The following CTNNA3 variants were observed in gnomAD, a reference collection of about 807,000 sequenced individuals.
CTNNA3 encodes the protein catenin alpha 3, also known as catenin alpha-3.
Under a neutral mutation model 95.7 loss-of-function variants are expected in CTNNA3, and 76 were observed. The observed-to-expected ratio is 0.79, with a 90% CI of 0.66 to 0.96. The LOEUF is 0.96. Among genes scored for constraint, CTNNA3 ranks in the 40% least tolerant of loss-of-function variants. The pLI, the probability that CTNNA3 is intolerant of heterozygous loss-of-function variation, is 0.00. For synonymous variants in CTNNA3, 431 were observed against 374.4 expected (o/e 1.15, Z -1.74); for missense variants, 1,191 against 1,089.8 (o/e 1.09, Z -1.31).
chr10:67,299,993 G>T (rs1444636068), intron 5 of CTNNA3, among the ~76,000 whole-genome samples: 1 of 152,134 alleles, frequency 6.6e-6, no homozygotes, highest in Non-Finnish European at 1.5e-5. Flanking sequence ...TTAGATTAAT[G>T]GTTCTCGAAG....
chr10:66,760,674 A>G (rs754245818), intron 9 of CTNNA3, among the ~76,000 whole-genome samples: 3 of 152,152 alleles, frequency 2.0e-5, no homozygotes, highest in Non-Finnish European at 2.9e-5. Context: ...CTTATATTCC[A>G]AAGACCGTAA....
chr10:67,387,163 G>C (rs766150417), intron 5 of CTNNA3, among the ~76,000 whole-genome samples: 86 of 152,270 alleles, frequency 5.6e-4, no homozygotes, highest in Non-Finnish European at 8.5e-4. Context: ...CATCTCACTA[G>C]GGAGTGCCAG....
intron 11 of CTNNA3, among the ~76,000 whole-genome samples, chr10:66,498,679 C>T (rs1419415277): frequency 6.6e-6 from 1 of 152,120 alleles, no homozygotes; most frequent in Non-Finnish European, 1.5e-5. Context: ...GGGAAATGAG[C>T]TTCATCTTTT....
At chr10:66,159,644 G>GGTTAT in intron 13 of CTNNA3, among the ~76,000 whole-genome samples, 1 of 63,908 alleles carries the variant, frequency 1.6e-5, no homozygotes, top group South Asian at 5.3e-4. Flanking sequence ...TTTTTTTTTT[G>GGTTAT]GTTATGTTCT....
At chr10:66,065,951 C>T (rs1356065028) in intron 15 of CTNNA3, among the ~76,000 whole-genome samples, 1 of 152,106 alleles carries the variant, frequency 6.6e-6, no homozygotes, top group Non-Finnish European at 1.5e-5. Context: ...ACAATCTCCG[C>T]ATCCTGGGTT....
At chr10:67,716,242 T>C (rs1285969962) in intron 1 of CTNNA3, among the ~76,000 whole-genome samples, 1 of 152,182 alleles carries the variant, frequency 6.6e-6, no homozygotes, top group African/African-American at 2.4e-5. Flanking sequence ...AAAAAGGGCC[T>C]AATACCACTG....
At chr10:66,336,039 G>T (rs1475586787) in intron 12 of CTNNA3, among the ~76,000 whole-genome samples, 1 of 152,098 alleles carries the variant, frequency 6.6e-6, no homozygotes. Context: ...ACAGGTGCGG[G>T]ATATAATCTC....
At chr10:66,014,932 G>A (rs1268808673) in intron 15 of CTNNA3, among the ~76,000 whole-genome samples, 1 of 151,746 alleles carries the variant, frequency 6.6e-6, no homozygotes, top group Non-Finnish European at 1.5e-5. Flanking sequence ...GTGAAACCCC[G>A]TCTCTACTAA....
chr10:67,501,343 G>T (rs185638692), intron 5 of CTNNA3, among the ~76,000 whole-genome samples: 1 of 152,212 alleles, frequency 6.6e-6, no homozygotes, highest in East Asian at 1.9e-4. Flanking sequence ...CTGTTAGTCT[G>T]ATGGGCTTCC....
At chr10:67,327,812 A>G (rs954402406) in intron 5 of CTNNA3, among the ~76,000 whole-genome samples, 83 of 152,308 alleles carry the variant, frequency 5.4e-4, no homozygotes, top group Middle Eastern at 6.8e-3. Flanking sequence ...GGCAAAGTCA[A>G]CGCAGCTGGG....
chr10:67,561,082 G>C (rs1011891910), intron 3 of CTNNA3, among the ~76,000 whole-genome samples: 25 of 147,032 alleles, frequency 1.7e-4, no homozygotes. Flanking sequence ...AGATCAACGA[G>C]ACAGAAAGTT....
At chr10:66,993,729 T>C (rs570634525) in intron 7 of CTNNA3, among the ~76,000 whole-genome samples, 1 of 151,902 alleles carries the variant, frequency 6.6e-6, no homozygotes, top group Non-Finnish European at 1.5e-5. Context: ...CCTCCATCTT[T>C]CATTGAGCCT....
At chr10:67,162,183 G>A (rs897656996) in intron 7 of CTNNA3, among the ~76,000 whole-genome samples, 1 of 151,990 alleles carries the variant, frequency 6.6e-6, no homozygotes, top group African/African-American at 2.4e-5. Context: ...ACAGATTCTA[G>A]TCAACATTTT....
chr10:67,758,323 T>TACACAC lies in CTNNA3; in HGVS notation c.-2+5105_-2+5110dup, dbSNP rs3059974. ...ACACACACATATATATAAATATATA[T>TACACAC]ACACACACACACACACACACACACA... On this transcript the variant is annotated intron_variant, in intron 1 of 17. Coordinates refer to the CTNNA3 transcript ENST00000684154. Among the ~76,000 whole-genome samples the TACACAC allele has an allele frequency of 3.6e-3, 518 of 143,398 alleles. 1 individual carries two copies. The highest frequency in any genetic ancestry group is 5.6e-3 in the Non-Finnish European group (364 of 65,262). 94.1% of individuals were successfully genotyped at this position (143,398 alleles called of 152,430 possible).
intron 11 of CTNNA3, among the ~76,000 whole-genome samples, chr10:66,380,321 A>G (rs1477811976): frequency 6.6e-6 from 1 of 152,060 alleles, no homozygotes; most frequent in African/African-American, 2.4e-5. Flanking sequence ...TCCAAAAAAT[A>G]AAATCAGTCT....
chr10:67,128,725 G>T (rs10822979), intron 7 of CTNNA3, among the ~76,000 whole-genome samples: 15,457 of 152,006 alleles, frequency 0.1, 881 homozygotes, highest in African/African-American at 0.15. Flanking sequence ...GCCCCAGAAG[G>T]TGTCCACATG....
intron 7 of CTNNA3, among the ~76,000 whole-genome samples, chr10:67,149,222 G>A (rs760731476): frequency 2.6e-4 from 39 of 152,238 alleles, no homozygotes; most frequent in Middle Eastern, 6.8e-3. Flanking sequence ...CTAGGTACTA[G>A]GGACAATCAT....
intron 10 of CTNNA3, among the ~76,000 whole-genome samples, chr10:66,621,140 G>T (rs1229991058): frequency 6.6e-6 from 1 of 151,330 alleles, no homozygotes; most frequent in Admixed American, 6.6e-5. Flanking sequence ...TTTGATAAAA[G>T]AAAAAAAGAG....
chr10:67,183,578 T>C (rs923127782), intron 6 of CTNNA3, among the ~76,000 whole-genome samples: 3 of 151,932 alleles, frequency 2.0e-5, no homozygotes, highest in Non-Finnish European at 4.4e-5. Flanking sequence ...TTAGGAGATA[T>C]ACCTAATGTT....
Sources: gnomAD v4.1 joint callset for allele counts (sites outside exome capture counted in the v4.1 genomes callset) on GRCh38, gnomAD v4.1.1 for gene constraint, MANE v1.5 for transcripts, NCBI Gene and HGNC (gene_info 2026-07-23, HGNC 2026-07-21) for gene names.